Variants in SCD5 observed in about 807,000 individuals in gnomAD.
SCD5 encodes acyl-CoA-desaturase 4.
SCD5 carries 20 observed loss-of-function variants against 30.4 expected under a neutral mutation model. The observed-to-expected ratio is 0.66, with a 90% CI of 0.46 to 0.96. SCD5 has a LOEUF of 0.96. Among genes scored for constraint, SCD5 ranks in the 40% least tolerant of loss-of-function variants. SCD5 has a pLI of 0.00. For synonymous variants in SCD5, 173 were observed against 176.4 expected (o/e 0.98, Z 0.16); for missense variants, 381 against 443.3 (o/e 0.86, Z 1.26).
intron 3 of SCD5, among the ~76,000 whole-genome samples, chr4:82,655,190 T>C (rs183794836): frequency 9.0e-4 from 137 of 152,348 alleles, no homozygotes; most frequent in African/African-American, 3.0e-3. Flanking sequence ...TTCTTCCCAA[T>C]TAAATTACAA....
At chr4:82,714,392 T>C (rs759723664) in intron 1 of SCD5, among the ~76,000 whole-genome samples, 2 of 152,192 alleles carry the variant, frequency 1.3e-5, no homozygotes, top group Non-Finnish European at 2.9e-5. Flanking sequence ...AAGATAGGTG[T>C]AGTCCCTTTA....
At chr4:82,747,075 C>CCCCCCA (rs58970593) in intron 1 of SCD5, among the ~76,000 whole-genome samples, 1 of 148,648 alleles carries the variant, frequency 6.7e-6, no homozygotes, top group African/African-American at 2.5e-5. Context: ...ACCTGCCCCC[C>CCCCCCA]AAGAAAGACG....
In SCD5 at chr4:82,630,678, C is replaced by CGCGCT. The variant is rs1336584353; in HGVS notation, c.*644_*648dup. The stretch of plus-strand genomic sequence containing the variant: ...GACTTGAAAAGTTTTTTAGGCTGGG[C>CGCGCT]GCGCTGGCTCCCAGCTACTCGGGAG... On this transcript the variant is annotated 3_prime_UTR_variant, in exon 5 of 5. Transcript: ENST00000319540. The CGCGCT allele has an allele frequency of 6.6e-6, 1 of 151,950 alleles. No individual in the cohort carries two copies. The highest frequency in any genetic ancestry group is 1.9e-4 in the East Asian group (1 of 5,190). The allele number at this position is 151,950 out of a possible 1,614,324, so 9.4% of individuals were successfully genotyped here.
intron 3 of SCD5, among the ~76,000 whole-genome samples, chr4:82,645,450 A>C (rs1727618851): frequency 6.6e-6 from 1 of 152,222 alleles, no homozygotes; most frequent in Non-Finnish European, 1.5e-5. Flanking sequence ...AAAAACATAA[A>C]GGCAAAAGCA....
At chr4:82,758,019 G>A (rs1359756449) in intron 1 of SCD5, among the ~76,000 whole-genome samples, 1 of 152,244 alleles carries the variant, frequency 6.6e-6, no homozygotes, top group African/African-American at 2.4e-5. Flanking sequence ...CTGGTGGGGT[G>A]ATTGCACCCC....
chr4:82,788,274 T>C (rs1722026165), intron 1 of SCD5, among the ~76,000 whole-genome samples: 1 of 152,192 alleles, frequency 6.6e-6, no homozygotes, highest in Non-Finnish European at 1.5e-5. Flanking sequence ...TGTTATAGTA[T>C]CCTCAACAGA....
chr4:82,745,271 C>T (rs1720956094), intron 1 of SCD5, among the ~76,000 whole-genome samples: 1 of 152,220 alleles, frequency 6.6e-6, no homozygotes, highest in Non-Finnish European at 1.5e-5. Flanking sequence ...TCTAGCCTCA[C>T]AGCCTAAACC....
At chr4:82,645,970 C>G (rs1727626656) in intron 3 of SCD5, among the ~76,000 whole-genome samples, 2 of 152,260 alleles carry the variant, frequency 1.3e-5, no homozygotes, top group South Asian at 4.1e-4. Flanking sequence ...ACCCTAAACA[C>G]AGCAGTCCAG....
At chr4:82,639,378 G>A (rs1233389186) in intron 3 of SCD5, among the ~76,000 whole-genome samples, 2 of 152,206 alleles carry the variant, frequency 1.3e-5, no homozygotes, top group African/African-American at 4.8e-5. Context: ...AGGCAGCACT[G>A]GGTGGAGGGA....
intron 1 of SCD5, among the ~76,000 whole-genome samples, chr4:82,745,409 G>A (rs1720959683): frequency 6.6e-6 from 1 of 152,210 alleles, no homozygotes. Context: ...GCACGGCTCA[G>A]AACAAGGAGA....
chr4:82,645,314 GAAA>G (rs34850249), intron 3 of SCD5, among the ~76,000 whole-genome samples: 1 of 144,748 alleles, frequency 6.9e-6, no homozygotes, highest in African/African-American at 2.6e-5. Flanking sequence ...ACCGTCTCAA[GAAA>G]AAAAAAAAAG....
At chr4:82,754,508 TC>T (rs1223543852) in intron 1 of SCD5, among the ~76,000 whole-genome samples, 5 of 151,458 alleles carry the variant, frequency 3.3e-5, no homozygotes, top group African/African-American at 7.3e-5. Flanking sequence ...CCTTCCAGGC[TC>T]CCCCCAGGAC....
At position 82,673,049 on chromosome 4, in the gene SCD5, A is replaced by T. The variant is rs149950613; in HGVS notation, c.569+7658T>A. 4.5e-4 allele frequency among the ~76,000 whole-genome samples: 68 copies of T among 152,212 alleles called. No individual in the cohort carries two copies. In the East Asian group the frequency reaches 0.012, roughly 26 times the overall value. On this transcript the variant is annotated intron_variant, in intron 3 of 4. Transcript: ENST00000319540. ...TCAATGATAAAGAATATTTACAAAAAATATACAGCTAATGTCATAAAGGTG... is the reference window on the plus strand; with the variant it reads ...TCAATGATAAAGAATATTTACAAAATATATACAGCTAATGTCATAAAGGTG...
At chr4:82,738,569 C>T (rs1379892992) in intron 1 of SCD5, among the ~76,000 whole-genome samples, 2 of 152,222 alleles carry the variant, frequency 1.3e-5, no homozygotes, top group African/African-American at 4.8e-5. Flanking sequence ...CTAAAAGCCA[C>T]TCACCCATTC....
chr4:82,639,434 G>A (rs935160976), intron 3 of SCD5, among the ~76,000 whole-genome samples: 9 of 152,218 alleles, frequency 5.9e-5, no homozygotes, highest in African/African-American at 1.9e-4. Flanking sequence ...GGGGCGTTCT[G>A]GGCCAGATGA....
chr4:82,679,239 A>AGAGAGAAAGAAG, intron 3 of SCD5, among the ~76,000 whole-genome samples: 1 of 102,188 alleles, frequency 9.8e-6, no homozygotes, highest in African/African-American at 3.6e-5. Context: ...AAAGAAAGAA[A>AGAGAGAAAGAAG]GAAAGAAAGA....
At chr4:82,669,769 G>C (rs944542579) in intron 3 of SCD5, among the ~76,000 whole-genome samples, 4 of 152,152 alleles carry the variant, frequency 2.6e-5, no homozygotes, top group Non-Finnish European at 1.5e-5. Context: ...AAATATACCA[G>C]AGTATTCTGT....
chr4:82,653,128 T>A (rs1568932), intron 3 of SCD5, among the ~76,000 whole-genome samples: 116,284 of 152,156 alleles, frequency 0.76, 45,176 homozygotes, highest in East Asian at 0.99. Context: ...CACTCCAGCC[T>A]CGGCAACAAA....
intron 3 of SCD5, among the ~76,000 whole-genome samples, chr4:82,643,847 T>C (rs1727590575): frequency 6.6e-6 from 1 of 152,222 alleles, no homozygotes; most frequent in Non-Finnish European, 1.5e-5. Context: ...CAGCCATCTG[T>C]GACTATGAAA....
Sources: allele counts gnomAD v4.1 joint callset (sites outside exome capture counted in the v4.1 genomes callset), GRCh38; gene constraint gnomAD v4.1.1; transcripts MANE v1.5; gene names NCBI Gene and HGNC (gene_info 2026-07-23, HGNC 2026-07-21).